The following ABTB3 variants were observed in gnomAD, a reference collection of about 807,000 sequenced individuals.
ABTB3 encodes ankyrin repeat and BTB domain containing 3, also known as ankyrin repeat- and BTB/POZ domain-containing protein 3.
At chr12:107,427,130 T>C in the ABTB3 span, among the ~76,000 whole-genome samples, 80 of 152,350 alleles carry the variant, frequency 5.3e-4, 2 homozygotes, top group South Asian at 8.5e-3. Context: ...GCAGCAGAGC[T>C]GGCTCCTTTT....
chr12:107,463,453 A>G, the ABTB3 span, among the ~76,000 whole-genome samples: 1 of 152,164 alleles, frequency 6.6e-6, no homozygotes, highest in Admixed American at 6.5e-5. Flanking sequence ...TATACACATT[A>G]TCTCATTTCA....
At chr12:107,650,555 C>T in the ABTB3 span, 1 of 152,172 alleles carries the variant, frequency 6.6e-6, no homozygotes, top group Admixed American at 6.5e-5. Flanking sequence ...GTGTGTGAAA[C>T]AGTCTCACTC....
the ABTB3 span, among the ~76,000 whole-genome samples, chr12:107,574,900 G>A: frequency 4.5e-4 from 69 of 152,222 alleles, no homozygotes; most frequent in Non-Finnish European, 8.2e-4. Context: ...AACCACCCTC[G>A]TGGGCAGTTG....
At chr12:107,644,967 A>G in the ABTB3 span, among the ~76,000 whole-genome samples, 1 of 118,278 alleles carries the variant, frequency 8.5e-6, no homozygotes, top group Non-Finnish European at 1.7e-5. Context: ...CCATGTCAAA[A>G]TTCACTTTTT....
the ABTB3 span, among the ~76,000 whole-genome samples, chr12:107,534,227 A>AT: frequency 6.6e-6 from 1 of 151,682 alleles, no homozygotes; most frequent in Non-Finnish European, 1.5e-5. Flanking sequence ...AAAAAAAAAA[A>AT]TTTAAGAAAT....
At chr12:107,569,619 C>CT in the ABTB3 span, among the ~76,000 whole-genome samples, 2 of 152,108 alleles carry the variant, frequency 1.3e-5, no homozygotes, top group Non-Finnish European at 2.9e-5. Flanking sequence ...GGTTTTTGTC[C>CT]TTTTTTTGTA....
chr12:107,339,773 C>T, the ABTB3 span, among the ~76,000 whole-genome samples: 1 of 152,038 alleles, frequency 6.6e-6, no homozygotes, highest in Non-Finnish European at 1.5e-5. Context: ...GCCATAGCTT[C>T]TGAGTGTGGG....
the ABTB3 span, chr12:107,658,497 T>C: frequency 6.6e-6 from 1 of 152,634 alleles, no homozygotes; most frequent in Non-Finnish European, 1.5e-5. Flanking sequence ...ATTCAATAGT[T>C]GAAAGCAACC....
the ABTB3 span, among the ~76,000 whole-genome samples, chr12:107,348,932 G>A: frequency 5.2e-4 from 79 of 152,322 alleles, no homozygotes; most frequent in East Asian, 0.015. Context: ...CAGAGTTCCA[G>A]GCAAAGGGAA....
At chr12:107,493,478 G>T in the ABTB3 span, among the ~76,000 whole-genome samples, 1 of 152,174 alleles carries the variant, frequency 6.6e-6, no homozygotes, top group African/African-American at 2.4e-5. Flanking sequence ...CCTTCTCTCA[G>T]CCTCAGAGGC....
chr12:107,410,706 G>T, the ABTB3 span, among the ~76,000 whole-genome samples: 14 of 152,284 alleles, frequency 9.2e-5, no homozygotes, highest in East Asian at 2.5e-3. Flanking sequence ...AGGGACAAGG[G>T]TTACTGAGCC....
At chr12:107,467,499 C>T in the ABTB3 span, among the ~76,000 whole-genome samples, 3 of 152,128 alleles carry the variant, frequency 2.0e-5, no homozygotes, top group Non-Finnish European at 2.9e-5. Context: ...TAATTGTTCA[C>T]GAATTGAATC....
chr12:107,494,859 C>T, the ABTB3 span, among the ~76,000 whole-genome samples: 1 of 152,304 alleles, frequency 6.6e-6, no homozygotes, highest in Admixed American at 6.5e-5. Flanking sequence ...TACCACAGGG[C>T]CCCGAGGATC....
At chr12:107,536,138 G>C in the ABTB3 span, among the ~76,000 whole-genome samples, 1 of 152,216 alleles carries the variant, frequency 6.6e-6, no homozygotes, top group South Asian at 2.1e-4. Flanking sequence ...ATATATTAGG[G>C]AAAGGACACT....
the ABTB3 span, among the ~76,000 whole-genome samples, chr12:107,439,179 C>T: frequency 1.3e-5 from 2 of 152,168 alleles, no homozygotes; most frequent in African/African-American, 4.8e-5. Flanking sequence ...CAGATAACAG[C>T]ACTTCAGTTG....
At chr12:107,528,514 T>C in the ABTB3 span, among the ~76,000 whole-genome samples, 1 of 152,206 alleles carries the variant, frequency 6.6e-6, no homozygotes, top group African/African-American at 2.4e-5. Flanking sequence ...GGATTGATTC[T>C]CAGGTAGGCT....
chr12:107,326,124 C>T, the ABTB3 span, among the ~76,000 whole-genome samples: 4 of 152,182 alleles, frequency 2.6e-5, no homozygotes, highest in East Asian at 1.9e-4. Context: ...AGGCTGGTTT[C>T]GAACTTCTGA....
chr12:107,402,742 T>G, the ABTB3 span, among the ~76,000 whole-genome samples: 1 of 152,198 alleles, frequency 6.6e-6, no homozygotes, highest in Admixed American at 6.5e-5. Flanking sequence ...TCTCCTCACC[T>G]GAAGCCAGGC....
At chr12:107,477,759 G>T in the ABTB3 span, among the ~76,000 whole-genome samples, 3 of 152,132 alleles carry the variant, frequency 2.0e-5, no homozygotes, top group South Asian at 6.2e-4. Flanking sequence ...AGAAAAATGA[G>T]AGTGAAGACA....
Sources: allele counts gnomAD v4.1 joint callset (sites outside exome capture counted in the v4.1 genomes callset), GRCh38; gene constraint gnomAD v4.1.1; transcripts MANE v1.5; gene names NCBI Gene and HGNC (gene_info 2026-07-23, HGNC 2026-07-21).